POC5: variants seen among roughly 807,000 people sequenced by gnomAD.
The protein encoded by POC5 is centrosomal protein POC5.
A neutral mutation model predicts 62.9 loss-of-function variants in POC5; 48 were observed. That is an observed-to-expected ratio of 0.76 (90% CI 0.61 to 0.97). The LOEUF (loss-of-function observed/expected upper bound fraction) is 0.97. Among genes scored for constraint, POC5 ranks in the 50% least tolerant of loss-of-function variants. The pLI, the probability that POC5 is intolerant of heterozygous loss-of-function variation, is 0.00. For synonymous variants in POC5, 236 were observed against 228.2 expected (o/e 1.03, Z -0.31); for missense variants, 696 against 679.5 (o/e 1.02, Z -0.27).
chr5:75,678,745 C>T (rs1271097132), intron 10 of POC5, among the ~76,000 whole-genome samples: 2 of 152,066 alleles, frequency 1.3e-5, no homozygotes, highest in African/African-American at 4.8e-5. Context: ...TTGAGAGTTA[C>T]TTCTGTATAA....
intron 7 of POC5, 40 bp from the exon 8 acceptor site, chr5:75,690,602 T>C: frequency 1.4e-6 from 2 of 1,428,058 alleles, no homozygotes; most frequent in East Asian, 2.5e-5. Context: ...ACACAGTTGA[T>C]TGATAAATAT....
chr5:75,715,952 A>G (rs1742512678), intron 1 of POC5, among the ~76,000 whole-genome samples: 1 of 152,204 alleles, frequency 6.6e-6, no homozygotes, highest in Non-Finnish European at 1.5e-5. Flanking sequence ...AACCATGAGG[A>G]TTGGATAGAA....
At chr5:75,677,295 A>G (rs1775704192) in intron 11 of POC5, among the ~76,000 whole-genome samples, 1 of 152,206 alleles carries the variant, frequency 6.6e-6, no homozygotes, top group Non-Finnish European at 1.5e-5. Flanking sequence ...GAATTTTGTT[A>G]AACTAAAAAC....
chr5:75,678,683 GTCTT>G lies in POC5; in HGVS notation c.1408-737_1408-734del, dbSNP rs1428705835. 4.0e-5 allele frequency among the ~76,000 whole-genome samples: 6 copies of G among 151,860 alleles called. No individual in the cohort carries two copies. The East Asian group carries it at 9.7e-4, about 24-fold the overall frequency. ...GGTTTTTATACCAACATACTACTTT[GTCTT>G]TCTTTTTCTATTACATTTAGCACAT... On this transcript the variant is annotated intron_variant, in intron 10 of 11. Coordinates refer to ENST00000428202, the MANE Select transcript of POC5 (RefSeq NM_001099271.2).
chr5:75,689,301 C>T, intron 8 of POC5, 136 bp from the exon 9 acceptor site: 1 of 1,320,060 alleles, frequency 7.6e-7, no homozygotes, highest in Non-Finnish European at 9.6e-7. Context: ...CTGCTATGTG[C>T]AATTTATTTT....
At chr5:75,692,599 T>G in intron 6 of POC5, 99 bp from the exon 7 acceptor site, 4 of 747,038 alleles carry the variant, frequency 5.4e-6, no homozygotes, top group Non-Finnish European at 8.5e-6. Flanking sequence ...AGGATAGGTA[T>G]GGATCACTAC....
In POC5 at chr5:75,712,897, T is replaced by G; in HGVS notation, c.41A>C (p.Gln14Pro). 1.2e-6 allele frequency: 2 copies of G among 1,612,914 alleles called. No homozygotes were observed. Among genetic ancestry groups the G allele is most frequent in the Non-Finnish European group, 8.5e-7 (1 of 1,179,400 alleles). ...AGAACTGCCTCGACTGGAGTCATTTTGCACAACTGGAAGTGAGTATTTCTC... is the reference window on the plus strand; with the variant it reads ...AGAACTGCCTCGACTGGAGTCATTTGGCACAACTGGAAGTGAGTATTTCTC... ...DEEKYSLPVV[Q>P]NDSSRGSSVS... The change falls in exon 2 of 12, where the codon CAA becomes CCA. Residue 14 changes from glutamine to proline, a missense_variant. Coordinates refer to ENST00000428202, the MANE Select transcript of POC5 (RefSeq NM_001099271.2).
At chr5:75,685,606 A>G in intron 9 of POC5, 122 bp from the exon 10 acceptor site, 1 of 935,786 alleles carries the variant, frequency 1.1e-6, no homozygotes, top group Non-Finnish European at 1.6e-6. Context: ...TGTTTACAGT[A>G]TATTAGATAC....
chr5:75,714,065 G>A (rs1044277055), intron 1 of POC5, among the ~76,000 whole-genome samples: 3 of 152,190 alleles, frequency 2.0e-5, no homozygotes, highest in South Asian at 4.1e-4. Flanking sequence ...TTCCAGCAGC[G>A]TTGAGGATGA....
chr5:75,705,852 A>G lies in POC5; in HGVS notation c.224-65T>C, dbSNP rs560622160. 7.8e-5 allele frequency: 77 copies of G among 992,076 alleles called. 1 individual carries two copies. The East Asian group carries it at 1.2e-3, about 15-fold the overall frequency. The allele number at this position is 992,076 out of a possible 1,614,324, so 61.5% of individuals were successfully genotyped here. On this transcript the variant is annotated intron_variant, in intron 3 of 11. Coordinates refer to ENST00000428202, the MANE Select transcript of POC5 (RefSeq NM_001099271.2). ...TCTTAAATAAAATGTCTAATCACAC[A>G]TAATTTAAGAAGGTAGCAGTACATA...
At position 75,694,830 on chromosome 5, in the gene POC5, G is replaced by T; in HGVS notation, c.515C>A (p.Thr172Lys). The change falls in exon 6 of 12, where the codon ACA becomes AAA. Residue 172 changes from threonine to lysine, a missense_variant and splice_region_variant. Transcript: ENST00000428202. ...VLDLWSSGLK[T>K]NIISELSKWR... is the part of the protein sequence containing the mutation. ...TTTACTTAGTTCAGATATGATGTTT[G>T]TCTGAAAAATTAATATAGTGACAAT... The T allele has an allele frequency of 1.3e-6, 2 of 1,507,164 alleles. No homozygotes were observed. The highest frequency in any genetic ancestry group is 2.2e-4 in the Middle Eastern group (1 of 4,510). 93.4% of individuals were successfully genotyped at this position (1,507,164 alleles called of 1,614,324 possible).
chr5:75,713,077 T>C (rs2112218547), intron 1 of POC5, 126 bp from the exon 2 acceptor site: 1 of 691,508 alleles, frequency 1.4e-6, no homozygotes, highest in East Asian at 2.8e-5. Context: ...AATCATTCAT[T>C]CAACATATTG....
intron 2 of POC5, 120 bp from the exon 3 acceptor site, chr5:75,707,995 A>G: frequency 1.1e-6 from 1 of 905,726 alleles, no homozygotes; most frequent in Non-Finnish European, 1.6e-6. Flanking sequence ...ATTATATTAC[A>G]AAGTTTTACC....
At chr5:75,704,505 A>G (rs1425078315) in intron 4 of POC5, among the ~76,000 whole-genome samples, 1 of 152,232 alleles carries the variant, frequency 6.6e-6, no homozygotes, top group African/African-American at 2.4e-5. Flanking sequence ...ATACTATGAA[A>G]TGCTATCTGC....
chr5:75,703,400 G>A (rs1332634702), intron 4 of POC5, among the ~76,000 whole-genome samples: 4 of 152,006 alleles, frequency 2.6e-5, no homozygotes, highest in Non-Finnish European at 2.9e-5. Context: ...GGCCGAGGCG[G>A]GTGAATCATG....
chr5:75,712,575 A>G (rs776864064), intron 2 of POC5: 2 of 975,136 alleles, frequency 2.1e-6, no homozygotes, highest in Non-Finnish European at 3.1e-6. Flanking sequence ...AAAAATTTAA[A>G]CAAAAAAATG....
At chr5:75,714,023 A>AT (rs1211542723) in intron 1 of POC5, among the ~76,000 whole-genome samples, 2 of 152,202 alleles carry the variant, frequency 1.3e-5, no homozygotes, top group African/African-American at 4.8e-5. Context: ...TTATTGAAAT[A>AT]TTTTTTAAAA....
intron 11 of POC5, chr5:75,677,514 G>A (rs950582186): frequency 1.3e-5 from 3 of 231,250 alleles, no homozygotes. Flanking sequence ...ATTACTTTTA[G>A]TATTTTATAA....
At position 75,689,120 on chromosome 5, in the gene POC5, G is replaced by A. The variant is rs762552076; in HGVS notation, c.1021C>T (p.Gln341Ter). ...ENAKAEIQRMQHEKEHFEDSM... is the reference protein window; with the variant it reads ...ENAKAEIQRM ...TCTTCAAAGTGCTCTTTTTCATGTT[G>A]CATTCTTTGAATCTCAGCTTTTGCA... is the stretch of plus-strand genomic sequence containing the variant. Residue 341 changes from glutamine (Q) to a stop codon, truncating the protein, a stop_gained, in exon 9 of 12, where the codon CAA (glutamine) becomes TAA (stop). Transcript: ENST00000428202. LOFTEE classifies it high-confidence loss of function. 1.3e-6 allele frequency: 2 copies of A among 1,580,900 alleles called. No homozygotes were observed. Among genetic ancestry groups the A allele is most frequent in the Middle Eastern group, 1.7e-4 (1 of 6,000 alleles).
Sources: allele counts gnomAD v4.1 joint callset (sites outside exome capture counted in the v4.1 genomes callset), GRCh38; gene constraint gnomAD v4.1.1; transcripts MANE v1.5; gene names NCBI Gene and HGNC (gene_info 2026-07-23, HGNC 2026-07-21).